The following ZNF226 variants were observed in gnomAD, a reference collection of about 807,000 sequenced individuals.
ZNF226 encodes the protein zinc finger protein 226.
A neutral mutation model predicts 11.4 loss-of-function variants in ZNF226; 6 were observed. That is an observed-to-expected ratio of 0.53 (90% CI 0.29 to 1.04). ZNF226 has a LOEUF of 1.04. Among genes scored for constraint, ZNF226 ranks in the 50% least tolerant of loss-of-function variants. ZNF226 has a pLI of 0.08. For synonymous variants in ZNF226, 350 were observed against 322.8 expected, an observed-to-expected ratio of 1.08 and a Z score of -0.90; for missense variants, 1,058 against 956.5, an observed-to-expected ratio of 1.11 and a Z score of -1.40.
the ZNF226 span, among the ~76,000 whole-genome samples, chr19:44,188,820 T>TGAAATG: frequency 6.6e-6 from 1 of 152,224 alleles, no homozygotes; most frequent in African/African-American, 2.4e-5. Flanking sequence ...TTACATTTAT[T>TGAAATG]CAGGAATGAG....
chr19:44,188,962 G>T, the ZNF226 span, among the ~76,000 whole-genome samples: 1 of 152,226 alleles, frequency 6.6e-6, no homozygotes, highest in Non-Finnish European at 1.5e-5. Context: ...AGTAACAACG[G>T]TGGTATCAGT....
the ZNF226 span, among the ~76,000 whole-genome samples, chr19:44,193,461 C>A: frequency 6.6e-6 from 1 of 150,634 alleles, no homozygotes. Flanking sequence ...TTTTCTTTTG[C>A]CTTTGATAGG....
At chr19:44,169,379 C>T (rs1004234564) in intron 2 of ZNF226, among the ~76,000 whole-genome samples, 1 of 151,994 alleles carries the variant, frequency 6.6e-6, no homozygotes, top group Non-Finnish European at 1.5e-5. Flanking sequence ...GCGGTATCTT[C>T]GGTTTTATTA....
In ZNF226 at chr19:44,175,934, T is replaced by C. The variant is rs781005360; in HGVS notation, c.672T>C (p.Tyr224=). The C allele has an allele frequency of 2.6e-5, 42 of 1,613,608 alleles. No individual in the cohort carries two copies. The highest frequency in any genetic ancestry group is 8.3e-5 in the Admixed American group (5 of 59,976). ...GHRVHKSEKS[Y]RPNDYEKDNM... is the part of the protein sequence containing the mutation. Reference sequence around the variant, plus strand: ...GAGTACACAAAAGTGAAAAATCTTATAGACCCAATGATTATGAAAAAGACA... The same window carrying C: ...GAGTACACAAAAGTGAAAAATCTTACAGACCCAATGATTATGAAAAAGACA... Residue 224 remains tyrosine (Y), a synonymous_variant, in exon 6 of 6, where the codon TAT becomes TAC. Coordinates refer to ENST00000337433, the MANE Select transcript of ZNF226 (RefSeq NM_001032373.2).
At chr19:44,177,741 C>G (rs141330794), downstream of ZNF226, 94 of 1,475,244 alleles carry the variant, frequency 6.4e-5, no homozygotes, top group Admixed American at 1.6e-3. Context: ...GTGTTTCAGC[C>G]GTAGCTCCTC....
At chr19:44,172,349 G>A (rs966326596) in intron 4 of ZNF226, 135 bp downstream of exon 4, 2 of 1,213,638 alleles carry the variant, frequency 1.6e-6, no homozygotes, top group African/African-American at 3.1e-5. Context: ...GGATGTTTCT[G>A]GTCTTTCTGA....
chr19:44,177,790 G>A (rs1970836972), downstream of ZNF226: 25 of 1,190,662 alleles, frequency 2.1e-5, no homozygotes, highest in South Asian at 3.5e-4. Context: ...CAATCTTTAT[G>A]ATTAGCATAG....
the ZNF226 span, among the ~76,000 whole-genome samples, chr19:44,192,136 A>T: frequency 6.6e-6 from 1 of 152,266 alleles, no homozygotes; most frequent in Non-Finnish European, 1.5e-5. Context: ...TTATTGGTTA[A>T]ACAGCAATTC....
rs1425842912 is a variant in ZNF226, at chr19:44,177,146, A to T, written c.1884A>T (p.Ser628=). The T allele has an allele frequency of 6.2e-7, 1 of 1,613,966 alleles. No homozygotes were observed. The highest frequency in any genetic ancestry group is 2.2e-5 in the East Asian group (1 of 44,854). ...EECGKVFRQA[S]NLLAHQRVHS... ...GTGGGAAGGTCTTCAGGCAGGCCTC[A>T]AATCTTTTGGCCCATCAGAGAGTCC... Residue 628 remains serine, a synonymous_variant, in exon 6 of 6, where the codon TCA becomes TCT. Transcript: ENST00000337433.
chr19:44,169,198 G>A (rs1464320462), intron 2 of ZNF226, among the ~76,000 whole-genome samples: 1 of 151,870 alleles, frequency 6.6e-6, no homozygotes, highest in Admixed American at 6.6e-5. Flanking sequence ...AGTAAAGACA[G>A]GGTTTCATCT....
chr19:44,177,741 C>T (rs141330794), downstream of ZNF226: 32 of 1,475,244 alleles, frequency 2.2e-5, no homozygotes, highest in East Asian at 7.0e-5. Flanking sequence ...GTGTTTCAGC[C>T]GTAGCTCCTC....
At chr19:44,166,173 G>A (rs767876309) in intron 2 of ZNF226, among the ~76,000 whole-genome samples, 12 of 152,172 alleles carry the variant, frequency 7.9e-5, no homozygotes, top group Admixed American at 3.3e-4. Context: ...TCACTGTGGG[G>A]ACTTTGCTCA....
downstream of ZNF226, among the ~76,000 whole-genome samples, chr19:44,181,881 C>A (rs142025075): frequency 0.01 from 1,548 of 152,264 alleles, 12 homozygotes; most frequent in Middle Eastern, 0.02. Flanking sequence ...CTCGGGTCTT[C>A]ACAGACAATG....
the ZNF226 span, among the ~76,000 whole-genome samples, chr19:44,194,355 C>T: frequency 3.3e-5 from 5 of 152,176 alleles, no homozygotes; most frequent in African/African-American, 1.2e-4. Context: ...CAGCTCACTA[C>T]AGCGTTGAAC....
chr19:44,194,676 T>G, the ZNF226 span, among the ~76,000 whole-genome samples: 40 of 152,346 alleles, frequency 2.6e-4, no homozygotes, highest in African/African-American at 9.6e-4. Flanking sequence ...ACTATTTTTC[T>G]GATAAATTAC....
chr19:44,175,252 T>C (rs1970572868), intron 5 of ZNF226: 1 of 1,399,454 alleles, frequency 7.1e-7, no homozygotes, highest in Non-Finnish European at 9.2e-7. Context: ...AGATAGTATG[T>C]CAGTAGTTGT....
In ZNF226 at chr19:44,175,016, G is replaced by A; in HGVS notation, c.236-482G>A. On this transcript the variant is annotated intron_variant, in intron 5 of 5. Coordinates refer to ENST00000337433, the MANE Select transcript of ZNF226 (RefSeq NM_001032373.2). Reference sequence around the variant, plus strand: ...ACTTGTAAAAGCTCTTTTGCTCTATGACCTGGCTCAAACTTAAACTTGGAT... The same window carrying A: ...ACTTGTAAAAGCTCTTTTGCTCTATAACCTGGCTCAAACTTAAACTTGGAT... The A allele has an allele frequency of 1.9e-6, 3 of 1,611,426 alleles. No individual in the cohort carries two copies. The African/African-American group carries it at 4.0e-5, about 22-fold the overall frequency.
At chr19:44,185,407 CTTG>C in the ZNF226 span, among the ~76,000 whole-genome samples, 5 of 152,188 alleles carry the variant, frequency 3.3e-5, no homozygotes, top group African/African-American at 9.6e-5. Context: ...CTTGACAACA[CTTG>C]TTATTTTTCT....
the ZNF226 span, among the ~76,000 whole-genome samples, chr19:44,186,549 G>C: frequency 1.3e-5 from 2 of 151,940 alleles, no homozygotes; most frequent in Non-Finnish European, 2.9e-5. Flanking sequence ...TGCTAACTTT[G>C]TATCTTGCAA....
Sources: allele counts gnomAD v4.1 joint callset (sites outside exome capture counted in the v4.1 genomes callset), GRCh38; gene constraint gnomAD v4.1.1; transcripts MANE v1.5; gene names NCBI Gene and HGNC (gene_info 2026-07-23, HGNC 2026-07-21).